Variants in SMARCD3 observed in about 807,000 individuals in gnomAD.
SMARCD3 encodes the protein SWI/SNF related BAF chromatin remodeling complex subunit D3, also known as SWI/SNF-related matrix-associated actin-dependent regulator of chromatin subfamily D member 3.
Under a neutral mutation model 58.0 loss-of-function variants are expected in SMARCD3, and 14 were observed. The ratio of observed to expected loss-of-function variants is 0.24; its 90% confidence interval spans 0.16 to 0.38. The LOEUF (loss-of-function observed/expected upper bound fraction) is 0.38, where lower values mean the gene tolerates loss of function less well. Ranked by LOEUF, SMARCD3 falls within the 10% of genes least tolerant of loss-of-function variation. The probability of loss-of-function intolerance (pLI) is 1.00; values close to 1 mark genes in which losing one functional copy is unlikely to be tolerated. For missense variants in SMARCD3, 408 were observed against 636.9 expected, an observed-to-expected ratio of 0.64 and a Z score of 3.87; for synonymous variants, 253 against 253.8, an observed-to-expected ratio of 1.00 and a Z score of 0.03.
At chr7:151,258,287 G>A (rs1803770534) in intron 2 of SMARCD3, among the ~76,000 whole-genome samples, 1 of 152,128 alleles carries the variant, frequency 6.6e-6, no homozygotes, top group Non-Finnish European at 1.5e-5. Context: ...GTCAGGGCCG[G>A]GCGCAGTGGC....
intron 2 of SMARCD3, among the ~76,000 whole-genome samples, chr7:151,261,230 G>T (rs182902972): frequency 6.6e-6 from 1 of 152,318 alleles, no homozygotes; most frequent in East Asian, 1.9e-4. Context: ...GACATCTCAG[G>T]CTGGACGATT....
rs566194452 is a variant in SMARCD3 at position 151,259,012 on chromosome 7, T to C, written c.40-13341A>G. On this transcript the variant is annotated intron_variant, in intron 2 of 13. Transcript: ENST00000356800. ...CCTACCCTTCCACCCTTCTATATCA[T>C]CTACTCCCTTACATTGATGCCTAAC... Among the ~76,000 whole-genome samples, 12 of 152,232 alleles carry C rather than the reference T, an allele frequency of 7.9e-5. No individual in the cohort carries two copies. The South Asian group carries it at 2.5e-3, about 32-fold the overall frequency.
At chr7:151,258,487 T>C (rs1803779781) in intron 2 of SMARCD3, among the ~76,000 whole-genome samples, 2 of 146,066 alleles carry the variant, frequency 1.4e-5, no homozygotes, top group East Asian at 2.1e-4. Flanking sequence ...ATCGCTTGAA[T>C]CCAGGAGGCA....
chr7:151,260,697 C>T (rs1232992666), intron 2 of SMARCD3, among the ~76,000 whole-genome samples: 4 of 152,116 alleles, frequency 2.6e-5, no homozygotes, highest in Non-Finnish European at 5.9e-5. Context: ...GCGGTGCCCT[C>T]GGACAGCCCC....
rs1417598266 is a variant in SMARCD3 at position 151,240,178 on chromosome 7, C to T, written c.1107G>A (p.Lys369=). ...ATAGGAGGAAGCTGCTCATCTGCCC[C>T]TTTAATGGCTCCTCCACCTCCACGT... The part of the protein sequence containing the change: ...DIDVEVEEPL[K]GQMSSFLLST... Residue 369 remains lysine, a synonymous_variant, in exon 10 of 13, where the codon AAG becomes AAA. Transcript: ENST00000262188. 2 of 1,614,158 alleles carry T rather than the reference C, an allele frequency of 1.2e-6. No homozygotes were observed. The highest frequency in any genetic ancestry group is 1.7e-6 in the Non-Finnish European group (2 of 1,180,024).
chr7:151,259,616 T>TTTC (rs1563682629), intron 2 of SMARCD3, among the ~76,000 whole-genome samples: 2 of 125,664 alleles, frequency 1.6e-5, no homozygotes, highest in African/African-American at 6.5e-5. Flanking sequence ...TTTTTTTTTT[T>TTTC]TTTTTTTTTT....
chr7:151,239,580 G>A lies in SMARCD3; in HGVS notation c.1296+44C>T. On this transcript the variant is annotated intron_variant, in intron 11 of 12. Coordinates refer to ENST00000262188, the MANE Select transcript of SMARCD3 (RefSeq NM_001003801.2). The surrounding 1 kb of genome is among the most constrained non-coding windows in gnomAD (Gnocchi z 7.0). ...TACAACGTTTACTCTCTTTCCCGCT[G>A]TGCTTGTCTTCCACTCCAGTACTCC... The A allele has an allele frequency of 6.2e-7, 1 of 1,613,556 alleles. No homozygotes were observed. The highest frequency in any genetic ancestry group is 8.5e-7 in the Non-Finnish European group (1 of 1,179,604).
Position 151,274,996 on chromosome 7 carries a change from C to T in SMARCD3, c.39+118G>A, listed in dbSNP as rs2150620325. 3 of 799,626 alleles carry T rather than the reference C, an allele frequency of 3.8e-6. No individual in the cohort carries two copies. In the East Asian group the frequency reaches 7.9e-5, roughly 21 times the overall value. The allele number at this position is 799,626 out of a possible 1,614,324, so 49.5% of individuals were successfully genotyped here. ...CTGCCATGGGCACTAAGGAGTCCAG[C>T]TGGGGGCAGAAATGCCGGGAGGGGG... On this transcript the variant is annotated intron_variant, in intron 2 of 13. Coordinates refer to the SMARCD3 transcript ENST00000356800.
intron 1 of SMARCD3, among the ~76,000 whole-genome samples, chr7:151,276,125 G>A (rs578014910): frequency 6.6e-6 from 1 of 150,862 alleles, no homozygotes; most frequent in South Asian, 2.1e-4. Context: ...CGGTAGGGGA[G>A]GGGCTACCAG....
chr7:151,259,600 A>ATTTTTTTTTT (rs1563682239), intron 2 of SMARCD3, among the ~76,000 whole-genome samples: 1 of 67,918 alleles, frequency 1.5e-5, no homozygotes, highest in Non-Finnish European at 2.8e-5. Flanking sequence ...ACAACCTGAG[A>ATTTTTTTTTT]GTTTTTTTTT....
Position 151,239,070 on chromosome 7 carries a change from G to A in SMARCD3, c.*33C>T. On this transcript the variant is annotated 3_prime_UTR_variant, in exon 13 of 13. Coordinates refer to ENST00000262188, the MANE Select transcript of SMARCD3 (RefSeq NM_001003801.2). The surrounding 1 kb of genome is among the most constrained non-coding windows in gnomAD (Gnocchi z 7.0). Reference sequence around the variant, plus strand: ...AAATGCTGGGGCCCGGGACACGGCTGAAAGTTCCGTCGTGCTGCTTATTTT... The same window carrying A: ...AAATGCTGGGGCCCGGGACACGGCTAAAAGTTCCGTCGTGCTGCTTATTTT... 1.2e-6 allele frequency: 2 copies of A among 1,611,392 alleles called. No homozygotes were observed. Among genetic ancestry groups the A allele is most frequent in the Non-Finnish European group, 1.7e-6 (2 of 1,177,548 alleles).
At chr7:151,265,404 C>T (rs966870333) in intron 2 of SMARCD3, among the ~76,000 whole-genome samples, 1 of 152,228 alleles carries the variant, frequency 6.6e-6, no homozygotes, top group African/African-American at 2.4e-5. Flanking sequence ...ACCCCGCTGA[C>T]ACCTTGATTT....
At chr7:151,272,051 AG>A (rs1441095651) in intron 2 of SMARCD3, among the ~76,000 whole-genome samples, 1 of 152,200 alleles carries the variant, frequency 6.6e-6, no homozygotes, top group Non-Finnish European at 1.5e-5. Context: ...TATTACCAGT[AG>A]GTTTATGGCT....
chr7:151,273,739 G>C (rs1429050542), intron 2 of SMARCD3, among the ~76,000 whole-genome samples: 1 of 151,930 alleles, frequency 6.6e-6, no homozygotes, highest in African/African-American at 2.4e-5. Context: ...CCGCCACCAG[G>C]TGTGTTTCCT....
intron 2 of SMARCD3, among the ~76,000 whole-genome samples, chr7:151,262,502 C>T (rs1241513527): frequency 6.6e-6 from 1 of 152,240 alleles, no homozygotes; most frequent in African/African-American, 2.4e-5. Flanking sequence ...CCCATGTGCT[C>T]CTCTGCCTTC....
At position 151,242,661 on chromosome 7, in the gene SMARCD3, T is replaced by G. The variant is rs764979420; in HGVS notation, c.457-58A>C. The stretch of plus-strand genomic sequence containing the variant: ...CTGTGTGCTCCCACCCCGACCACCC[T>G]GCTTCCCCATCCTGGTCACACAACT... On this transcript the variant is annotated intron_variant, in intron 4 of 12. Transcript: ENST00000262188. This position sits in a 1 kb window ranked among gnomAD's most constrained non-coding sequence, Gnocchi z 4.7. 11 of 1,611,500 alleles carry G rather than the reference T, an allele frequency of 6.8e-6. No individual in the cohort carries two copies. Among genetic ancestry groups the G allele is most frequent in the Non-Finnish European group, 8.5e-6 (10 of 1,178,172 alleles).
At chr7:151,255,062 C>G (rs961077865) in intron 2 of SMARCD3, among the ~76,000 whole-genome samples, 1 of 152,116 alleles carries the variant, frequency 6.6e-6, no homozygotes. Flanking sequence ...CTCTGCACCA[C>G]GGGGCCAGGG....
At chr7:151,251,978 C>T (rs1188517427), upstream of SMARCD3, among the ~76,000 whole-genome samples, 4 of 150,254 alleles carry the variant, frequency 2.7e-5, no homozygotes, top group Non-Finnish European at 4.4e-5. Flanking sequence ...CCTGGGCATG[C>T]GCGCCGCGGC....
rs1803244291 is a variant in SMARCD3, at chr7:151,246,046, T to G, written c.79-375A>C. 6.2e-6 allele frequency: 1 copy of G among 160,432 alleles called. No individual in the cohort carries two copies. Among genetic ancestry groups the G allele is most frequent in the Non-Finnish European group, 1.4e-5 (1 of 73,494 alleles). 9.9% of individuals were successfully genotyped at this position (160,432 alleles called of 1,614,324 possible). Reference sequence around the variant, plus strand: ...CTGAGCAGGTCCTTTCATCCCCACTTGACGGATGGGGCCACTGTGGCTCAA... The same window carrying G: ...CTGAGCAGGTCCTTTCATCCCCACTGGACGGATGGGGCCACTGTGGCTCAA... On this transcript the variant is annotated intron_variant, in intron 1 of 12. Transcript: ENST00000262188. This position sits in a 1 kb window ranked among gnomAD's most constrained non-coding sequence, Gnocchi z 4.4.
Sources: gnomAD v4.1 joint callset for allele counts (sites outside exome capture counted in the v4.1 genomes callset) on GRCh38, gnomAD v4.1.1 for gene constraint, Gnocchi (gnomAD v3.1) non-coding constraint, MANE v1.5 for transcripts, NCBI Gene and HGNC (gene_info 2026-07-23, HGNC 2026-07-21) for gene names.